The following RERG variants were observed in gnomAD, a reference collection of about 807,000 sequenced individuals.
RERG encodes the protein ras-related and estrogen-regulated growth inhibitor.
In RERG, 25 loss-of-function variants were observed where a neutral mutation model predicts 23.2. The observed-to-expected ratio is 1.08, with a 90% CI of 0.79 to 1.50. The LOEUF is 1.50. Among genes scored for constraint, RERG ranks in the 40% most tolerant of loss-of-function variants. The probability of loss-of-function intolerance (pLI) is 0.00; values close to 1 mark genes in which losing one functional copy is unlikely to be tolerated. For missense variants in RERG, 253 were observed against 250.1 expected, an observed-to-expected ratio of 1.01 and a Z score of -0.08; for synonymous variants, 81 against 89.1, an observed-to-expected ratio of 0.91 and a Z score of 0.51.
At chr12:15,149,949 C>T (rs1487900695) in intron 2 of RERG, among the ~76,000 whole-genome samples, 1 of 152,172 alleles carries the variant, frequency 6.6e-6, no homozygotes, top group Non-Finnish European at 1.5e-5. Flanking sequence ...AGAATCCTTC[C>T]TTCCTGAGAG....
chr12:15,126,718 T>C (rs932569591), intron 2 of RERG, among the ~76,000 whole-genome samples: 1 of 105,500 alleles, frequency 9.5e-6, no homozygotes, highest in African/African-American at 3.6e-5. Context: ...CTTTTTCTTT[T>C]TCTTTCTTTT....
At chr12:15,137,731 C>T (rs1190034692) in intron 2 of RERG, 8 of 342,212 alleles carry the variant, frequency 2.3e-5, no homozygotes, top group Middle Eastern at 1.0e-3. Context: ...TCAACTTATA[C>T]ATGAGCAATT....
At chr12:15,207,375 A>AAC (rs776214965) in intron 2 of RERG, among the ~76,000 whole-genome samples, 1 of 152,140 alleles carries the variant, frequency 6.6e-6, no homozygotes, top group Non-Finnish European at 1.5e-5. Context: ...ACCTGGGTTA[A>AAC]ACACACACAC....
At chr12:15,115,970 T>C (rs1227286954) in intron 3 of RERG, among the ~76,000 whole-genome samples, 1 of 152,204 alleles carries the variant, frequency 6.6e-6, no homozygotes, top group African/African-American at 2.4e-5. Flanking sequence ...TTTTAATAAG[T>C]GTATTTTATG....
At chr12:15,203,702 A>C (rs1030774519) in intron 2 of RERG, among the ~76,000 whole-genome samples, 5 of 151,716 alleles carry the variant, frequency 3.3e-5, no homozygotes, top group African/African-American at 1.2e-4. Flanking sequence ...AGAACTAATA[A>C]ATGAATTCAG....
chr12:15,109,561 C>A, intron 4 of RERG, 44 bp from the exon 5 acceptor site: 3 of 1,465,732 alleles, frequency 2.0e-6, no homozygotes, highest in South Asian at 2.6e-5. Context: ...TGGAAATAAT[C>A]AAAATATATG....
intron 2 of RERG, among the ~76,000 whole-genome samples, chr12:15,137,385 T>C (rs1864161592): frequency 6.6e-6 from 1 of 151,848 alleles, no homozygotes; most frequent in Admixed American, 6.6e-5. Context: ...ATTACTGATA[T>C]ATGAAATTAA....
At chr12:15,134,117 ATTAT>A (rs1418656295) in intron 2 of RERG, among the ~76,000 whole-genome samples, 6 of 151,958 alleles carry the variant, frequency 3.9e-5, no homozygotes, top group Non-Finnish European at 8.8e-5. Flanking sequence ...TTGTTTAGAA[ATTAT>A]TTCTTTCATG....
At chr12:15,166,512 T>G (rs555007655) in intron 2 of RERG, among the ~76,000 whole-genome samples, 243 of 147,584 alleles carry the variant, frequency 1.6e-3, no homozygotes, top group Middle Eastern at 0.01. Context: ...GGGATGGTGG[T>G]GATGGTGGTG....
intron 2 of RERG, among the ~76,000 whole-genome samples, chr12:15,186,844 T>C (rs1379160181): frequency 6.6e-6 from 1 of 152,198 alleles, no homozygotes; most frequent in African/African-American, 2.4e-5. Context: ...GAAGAGTCGA[T>C]GGCCCTGGGG....
intron 2 of RERG, among the ~76,000 whole-genome samples, chr12:15,140,449 A>G (rs1219911057): frequency 6.6e-6 from 1 of 152,024 alleles, no homozygotes; most frequent in African/African-American, 2.4e-5. Flanking sequence ...AATCATTTAA[A>G]AAATAAGAAA....
rs1401865399 is a variant in RERG at position 15,114,746 on chromosome 12, T to TA, written c.119-3330dup. The TA allele has an allele frequency of 2.6e-5, 4 of 152,306 alleles. No homozygotes were observed. In the East Asian group the frequency reaches 7.7e-4, roughly 29 times the overall value. 9.4% of individuals were successfully genotyped at this position (152,306 alleles called of 1,614,324 possible). ...CTAGAAAAAACCTGGTCCAGGTTCT[T>TA]ACAGCACTGGGTCTCAAAGTGTAGT... On this transcript the variant is annotated intron_variant, in intron 3 of 4. Coordinates refer to ENST00000256953, the MANE Select transcript of RERG (RefSeq NM_032918.3).
Position 15,167,022 on chromosome 12 carries a change from A to G in RERG, c.62-45903T>C, listed in dbSNP as rs535768844. Among the ~76,000 whole-genome samples the G allele has an allele frequency of 2.9e-3, 448 of 152,280 alleles. 2 individuals carry two copies. The highest frequency in any genetic ancestry group is 9.9e-3 in the African/African-American group (413 of 41,554). On this transcript the variant is annotated intron_variant, in intron 2 of 4. Coordinates refer to ENST00000256953, the MANE Select transcript of RERG (RefSeq NM_032918.3). ...CTAAGGTCAAAACATCAATGAAAAT[A>G]TAATGTCTTACAAGCAAGGCAGGTC...
intron 2 of RERG, among the ~76,000 whole-genome samples, chr12:15,142,018 G>C (rs1218790949): frequency 1.3e-5 from 2 of 152,164 alleles, no homozygotes; most frequent in Middle Eastern, 3.4e-3. Flanking sequence ...TTTACTATTA[G>C]TTTTATTTGG....
In RERG at chr12:15,217,555, A is replaced by T; in HGVS notation, c.-66T>A. 8.8e-7 allele frequency: 1 copy of T among 1,141,088 alleles called. No individual in the cohort carries two copies. The highest frequency in any genetic ancestry group is 1.3e-6 in the Non-Finnish European group (1 of 749,242). The allele number at this position is 1,141,088 out of a possible 1,614,324, so 70.7% of individuals were successfully genotyped here. On this transcript the variant is annotated 5_prime_UTR_variant, in exon 2 of 5. Transcript: ENST00000256953. ...GCACTGAGTAAATCTTTTTGGTTCC[A>T]GTCTTTGGATTCACCATATCATTGT...
At chr12:15,209,628 G>T (rs771824656) in intron 2 of RERG, among the ~76,000 whole-genome samples, 1 of 152,096 alleles carries the variant, frequency 6.6e-6, no homozygotes, top group Non-Finnish European at 1.5e-5. Context: ...AACACACCTG[G>T]TACTCCCAGA....
intron 1 of RERG, among the ~76,000 whole-genome samples, chr12:15,219,245 TGAGA>T (rs768113282): frequency 2.0e-5 from 3 of 152,198 alleles, no homozygotes; most frequent in Non-Finnish European, 4.4e-5. Context: ...AAGAGCTTCT[TGAGA>T]GAGAAATTAA....
chr12:15,121,953 G>A (rs1863839577), intron 2 of RERG, among the ~76,000 whole-genome samples: 1 of 151,956 alleles, frequency 6.6e-6, no homozygotes, highest in Non-Finnish European at 1.5e-5. Context: ...GGACTCTATT[G>A]TCCTTATAAA....
intron 2 of RERG, among the ~76,000 whole-genome samples, chr12:15,138,784 G>A (rs1864185137): frequency 1.3e-5 from 2 of 151,804 alleles, no homozygotes; most frequent in African/African-American, 4.8e-5. Flanking sequence ...TATTCACAGT[G>A]TCTTTAACGT....
Sources: allele counts gnomAD v4.1 joint callset (sites outside exome capture counted in the v4.1 genomes callset), GRCh38; gene constraint gnomAD v4.1.1; transcripts MANE v1.5; gene names NCBI Gene and HGNC (gene_info 2026-07-23, HGNC 2026-07-21).